Variants in DIXDC1 observed in about 807,000 individuals in gnomAD.
DIXDC1 encodes DIX domain containing 1.
DIXDC1 carries 64 observed loss-of-function variants against 103.1 expected under a neutral mutation model. The observed-to-expected ratio is 0.62, with a 90% CI of 0.51 to 0.76. DIXDC1 has a LOEUF of 0.76. DIXDC1 is among the 30% of genes least tolerant of loss of function. The pLI is 0.00. For missense variants in DIXDC1, 759 were observed against 834.2 expected, an observed-to-expected ratio of 0.91 and a Z score of 1.11; for synonymous variants, 266 against 298.5, an observed-to-expected ratio of 0.89 and a Z score of 1.12.
At chr11:111,959,693 G>T (rs1178241278) in intron 1 of DIXDC1, among the ~76,000 whole-genome samples, 1 of 152,218 alleles carries the variant, frequency 6.6e-6, no homozygotes, top group African/African-American at 2.4e-5. Flanking sequence ...TTAGCTTCCT[G>T]TTTTGATCAT....
At position 111,947,174 on chromosome 11, in the gene DIXDC1, C is replaced by A. The variant is rs587630746; in HGVS notation, c.60+9615C>A. On this transcript the variant is annotated intron_variant, in intron 1 of 19. Coordinates refer to ENST00000440460, the MANE Select transcript of DIXDC1 (RefSeq NM_001037954.4). ...GGTGGAGAAACACAGGAAGAGTGAG[C>A]TGGGTTTTGGACTCCTGACCCTGGC... 3.3e-5 allele frequency among the ~76,000 whole-genome samples: 5 copies of A among 152,040 alleles called. No individual in the cohort carries two copies. In the South Asian group the frequency reaches 1.0e-3, roughly 32 times the overall value.
chr11:111,985,344 G>A (rs1860453390), intron 8 of DIXDC1, 23 bp downstream of exon 8: 1 of 1,578,858 alleles, frequency 6.3e-7, no homozygotes, highest in Non-Finnish European at 8.7e-7. Context: ...TTTTGTGATT[G>A]GACACTAAAT....
chr11:111,985,367 T>C, intron 8 of DIXDC1, 46 bp downstream of exon 8: 1 of 1,484,050 alleles, frequency 6.7e-7, no homozygotes, highest in Non-Finnish European at 9.3e-7. Context: ...GTATGTATTT[T>C]ACTTGTATTT....
At chr11:111,994,504 CATAT>C (rs1592608799) in intron 14 of DIXDC1, among the ~76,000 whole-genome samples, 1 of 150,312 alleles carries the variant, frequency 6.7e-6, no homozygotes, top group East Asian at 1.9e-4. Flanking sequence ...TATATACATA[CATAT>C]ATAACCATAC....
chr11:112,006,666 G>C (rs1253431676), intron 17 of DIXDC1, among the ~76,000 whole-genome samples: 1 of 152,190 alleles, frequency 6.6e-6, no homozygotes, highest in Admixed American at 6.5e-5. Context: ...AGGCAAACAG[G>C]GTCTGGAGTG....
At position 111,992,942 on chromosome 11, in the gene DIXDC1, T is replaced by C; in HGVS notation, c.1219-9T>C. The stretch of plus-strand genomic sequence containing the variant: ...CCTGCGTGCCATGAATTCTTTCTTA[T>C]TCTTGCAGGTGGATCTGCAGAGGAA... On this transcript the variant is annotated splice_polypyrimidine_tract_variant and intron_variant, in intron 11 of 19. Transcript: ENST00000440460. 6.2e-7 allele frequency: 1 copy of C among 1,604,778 alleles called. No individual in the cohort carries two copies. Among genetic ancestry groups the C allele is most frequent in the Non-Finnish European group, 8.5e-7 (1 of 1,175,712 alleles).
chr11:111,930,550 G>A (rs139933526), intron 2 of DIXDC1, among the ~76,000 whole-genome samples: 312 of 152,274 alleles, frequency 2.0e-3, no homozygotes, highest in Admixed American at 6.1e-3. Flanking sequence ...TTCACTTAAC[G>A]TTAACATAAA....
At chr11:111,946,676 C>G (rs1281978184) in intron 1 of DIXDC1, 1 of 296,104 alleles carries the variant, frequency 3.4e-6, no homozygotes, top group African/African-American at 2.2e-5. Flanking sequence ...GTTTTTTTTC[C>G]TTTGTTTATT....
At chr11:111,980,693 A>C in intron 5 of DIXDC1, 44 bp from the exon 6 acceptor site, 1 of 1,520,788 alleles carries the variant, frequency 6.6e-7, no homozygotes, top group Admixed American at 1.8e-5. Flanking sequence ...TTTCTGAACA[A>C]CTCTTCATAA....
At chr11:112,000,945 C>T (rs1861047243) in intron 17 of DIXDC1, among the ~76,000 whole-genome samples, 1 of 152,064 alleles carries the variant, frequency 6.6e-6, no homozygotes, top group Admixed American at 6.6e-5. Context: ...CATGGAGTTA[C>T]CATATGACCC....
chr11:111,952,968 C>A (rs1423130334), intron 1 of DIXDC1, among the ~76,000 whole-genome samples: 1 of 151,992 alleles, frequency 6.6e-6, no homozygotes, highest in African/African-American at 2.4e-5. Flanking sequence ...CCAGCCTGGG[C>A]AACAGAGCAA....
At chr11:111,991,846 A>T (rs7935715) in intron 10 of DIXDC1, among the ~76,000 whole-genome samples, 29,439 of 152,216 alleles carry the variant, frequency 0.19, 3,308 homozygotes, top group Admixed American at 0.28. Flanking sequence ...AAGGCTCTGG[A>T]AGCCAGCATG....
At chr11:111,934,587 C>T (rs182846864), upstream of DIXDC1, among the ~76,000 whole-genome samples, 1 of 152,344 alleles carries the variant, frequency 6.6e-6, no homozygotes, top group East Asian at 1.9e-4. Flanking sequence ...AGCTAGCCCT[C>T]ATACTCTCCC....
intron 6 of DIXDC1, 33 bp from the exon 7 acceptor site, chr11:111,982,306 A>C: frequency 6.2e-7 from 1 of 1,600,510 alleles, no homozygotes; most frequent in Non-Finnish European, 8.5e-7. Flanking sequence ...GTTTTCTTCA[A>C]CATGAACTGT....
At position 111,937,437 on chromosome 11, in the gene DIXDC1, G is replaced by C. The variant is rs587673345; in HGVS notation, c.-63G>C. The C allele has an allele frequency of 7.2e-5, 112 of 1,547,838 alleles. 1 individual carries two copies. In the East Asian group the frequency reaches 2.7e-3, roughly 37 times the overall value. ...CGAGAGCCTTTGTGTGCAGAGGGAG[G>C]AGGAGGAGGCGGCGGCGGCCGCCGG... On this transcript the variant is annotated 5_prime_UTR_variant, in exon 1 of 20. Coordinates refer to ENST00000440460, the MANE Select transcript of DIXDC1 (RefSeq NM_001037954.4).
upstream of DIXDC1, among the ~76,000 whole-genome samples, chr11:111,936,666 C>T (rs1966195287): frequency 6.6e-6 from 1 of 152,120 alleles, no homozygotes; most frequent in South Asian, 2.1e-4. Flanking sequence ...CCCCTTTCTT[C>T]CTCTGCTCTT....
chr11:111,978,309 A>G (rs1555172904), intron 5 of DIXDC1, among the ~76,000 whole-genome samples: 1 of 152,176 alleles, frequency 6.6e-6, no homozygotes, highest in Non-Finnish European at 1.5e-5. Context: ...ATTAGCATTA[A>G]AATATTTTTT....
chr11:111,988,194 C>T (rs1014434274), intron 9 of DIXDC1, among the ~76,000 whole-genome samples: 1 of 151,718 alleles, frequency 6.6e-6, no homozygotes, highest in Non-Finnish European at 1.5e-5. Flanking sequence ...AGATTGCTCT[C>T]GCCTTGTTGC....
Position 111,974,910 on chromosome 11 carries a change from T to C in DIXDC1, c.583T>C (p.Tyr195His), listed in dbSNP as rs587747133. The part of the protein sequence containing the change: ...SSMDEEIENP[Y>H]WSVRALVQQY... The stretch of plus-strand genomic sequence containing the variant: ...CATGGATGAGGAAATTGAGAATCCA[T>C]ACTGGAGTGTGCGGGCCCTAGTGCA... The change falls in exon 5 of 20, where the codon TAC becomes CAC. Residue 195 changes from tyrosine to histidine, a missense_variant. Physicochemically the swap from Tyr to His is moderately conservative, Grantham distance 83. Coordinates refer to ENST00000440460, the MANE Select transcript of DIXDC1 (RefSeq NM_001037954.4). The C allele has an allele frequency of 2.5e-6, 4 of 1,613,762 alleles. No individual in the cohort carries two copies. In the South Asian group the frequency reaches 3.3e-5, roughly 13 times the overall value.
Sources: gnomAD v4.1 joint callset for allele counts (sites outside exome capture counted in the v4.1 genomes callset) on GRCh38, gnomAD v4.1.1 for gene constraint, MANE v1.5 for transcripts, NCBI Gene and HGNC (gene_info 2026-07-23, HGNC 2026-07-21) for gene names.